Variants in RASGRF2 observed in about 807,000 individuals in gnomAD.
RASGRF2 encodes Ras protein specific guanine nucleotide releasing factor 2.
RASGRF2 carries 76 observed loss-of-function variants against 151.0 expected under a neutral mutation model. The ratio of observed to expected loss-of-function variants is 0.50; its 90% confidence interval spans 0.42 to 0.61. RASGRF2 has a LOEUF of 0.61. RASGRF2 is among the 20% of genes least tolerant of loss of function. RASGRF2 has a pLI of 0.00. For missense variants in RASGRF2, 1,148 were observed against 1,564.6 expected (o/e 0.73, Z 4.49); for synonymous variants, 504 against 566.5 (o/e 0.89, Z 1.57).
intron 22 of RASGRF2, among the ~76,000 whole-genome samples, chr5:81,210,943 C>G (rs1419646821): frequency 6.6e-6 from 1 of 152,084 alleles, no homozygotes; most frequent in East Asian, 1.9e-4. Context: ...CCCAGGAGTT[C>G]AAGACCAGCC....
At chr5:81,178,624 T>G (rs1156614301) in intron 17 of RASGRF2, among the ~76,000 whole-genome samples, 1 of 152,206 alleles carries the variant, frequency 6.6e-6, no homozygotes, top group African/African-American at 2.4e-5. Flanking sequence ...TATAGGGACA[T>G]GAAGGTTATT....
At chr5:81,085,691 A>C (rs1224992225) in intron 7 of RASGRF2, 111 bp from the exon 8 acceptor site, 1 of 1,491,024 alleles carries the variant, frequency 6.7e-7, no homozygotes, top group Non-Finnish European at 9.0e-7. Flanking sequence ...GTAAAACAGT[A>C]AAAAGTGGGA....
At chr5:81,166,528 C>A (rs1754512857) in intron 17 of RASGRF2, among the ~76,000 whole-genome samples, 1 of 152,114 alleles carries the variant, frequency 6.6e-6, no homozygotes, top group African/African-American at 2.4e-5. Flanking sequence ...TGTCTGCTTA[C>A]AGATACTCCA....
chr5:81,021,538 A>G (rs897804823), intron 1 of RASGRF2, among the ~76,000 whole-genome samples: 1 of 149,230 alleles, frequency 6.7e-6, no homozygotes, highest in African/African-American at 2.5e-5. Flanking sequence ...GAGGGCTCAC[A>G]TGTTCTTGAG....
chr5:80,963,070 C>T (rs991857575), intron 1 of RASGRF2, among the ~76,000 whole-genome samples: 7 of 152,234 alleles, frequency 4.6e-5, no homozygotes, highest in African/African-American at 7.2e-5. Context: ...TGATGCTTTT[C>T]TCTGGCACTG....
At chr5:80,989,872 A>G (rs1052836966) in intron 1 of RASGRF2, among the ~76,000 whole-genome samples, 3 of 152,220 alleles carry the variant, frequency 2.0e-5, no homozygotes, top group Non-Finnish European at 4.4e-5. Context: ...ATACAATTAC[A>G]ATAAGAGTTA....
At chr5:81,028,010 T>C (rs138362309) in intron 1 of RASGRF2, among the ~76,000 whole-genome samples, 1 of 152,186 alleles carries the variant, frequency 6.6e-6, no homozygotes, top group African/African-American at 2.4e-5. Flanking sequence ...ATATCGGCAA[T>C]ATCTGCAACA....
intron 1 of RASGRF2, among the ~76,000 whole-genome samples, chr5:80,994,887 C>T (rs1292117396): frequency 6.6e-6 from 1 of 152,138 alleles, no homozygotes; most frequent in African/African-American, 2.4e-5. Context: ...TGCTCATCTC[C>T]CTGAATTTGG....
Position 81,173,161 on chromosome 5 carries a change from G to A in RASGRF2, c.2687-7014G>A, listed in dbSNP as rs527478537. On this transcript the variant is annotated intron_variant, in intron 17 of 26. Coordinates refer to ENST00000265080, the MANE Select transcript of RASGRF2 (RefSeq NM_006909.3). The stretch of plus-strand genomic sequence containing the variant: ...GGAGGCCAAGGCAGGTGGATCACCT[G>A]AGGTTAGGAGTTCGCAACCACCCTG... Among the ~76,000 whole-genome samples, 4 of 152,226 alleles carry A rather than the reference G, an allele frequency of 2.6e-5. No individual in the cohort carries two copies. In the South Asian group the frequency reaches 8.3e-4, roughly 32 times the overall value.
At chr5:81,211,567 A>C (rs559452465) in intron 22 of RASGRF2, among the ~76,000 whole-genome samples, 2 of 152,348 alleles carry the variant, frequency 1.3e-5, no homozygotes, top group Admixed American at 1.3e-4. Context: ...GCTTTAGCGA[A>C]TTTCCACAGT....
At chr5:81,128,635 G>A (rs1325241507) in intron 17 of RASGRF2, among the ~76,000 whole-genome samples, 1 of 152,152 alleles carries the variant, frequency 6.6e-6, no homozygotes, top group African/African-American at 2.4e-5. Flanking sequence ...TGGAGTGCGG[G>A]GAGCCGAGCG....
chr5:81,085,985 T>C (rs557234260), intron 8 of RASGRF2, 74 bp downstream of exon 8: 20 of 1,597,400 alleles, frequency 1.3e-5, no homozygotes, highest in Middle Eastern at 3.3e-4. Flanking sequence ...ACCTCCTGTA[T>C]ATGTTCTAAG....
intron 14 of RASGRF2, 34 bp downstream of exon 14, chr5:81,112,892 G>T: frequency 6.2e-7 from 1 of 1,612,788 alleles, no homozygotes; most frequent in Non-Finnish European, 8.5e-7. Context: ...CCTGTCATTC[G>T]CATATGGCCC....
intron 18 of RASGRF2, among the ~76,000 whole-genome samples, chr5:81,180,791 C>T (rs1754899435): frequency 6.6e-6 from 1 of 151,738 alleles, no homozygotes; most frequent in Non-Finnish European, 1.5e-5. Context: ...GTCTCATGCC[C>T]GTTGATGTTT....
At chr5:81,224,703 A>G (rs926111635) in intron 26 of RASGRF2, among the ~76,000 whole-genome samples, 3 of 152,250 alleles carry the variant, frequency 2.0e-5, no homozygotes, top group African/African-American at 4.8e-5. Flanking sequence ...CTACTCAGCC[A>G]TGAGAGGGAG....
chr5:81,161,265 G>T (rs1024306235), intron 17 of RASGRF2, among the ~76,000 whole-genome samples: 4 of 152,200 alleles, frequency 2.6e-5, no homozygotes, highest in African/African-American at 9.7e-5. Context: ...TAGCAAGACA[G>T]TAAGTTAGTA....
At chr5:81,174,843 C>T (rs1372679593) in intron 17 of RASGRF2, among the ~76,000 whole-genome samples, 1 of 152,196 alleles carries the variant, frequency 6.6e-6, no homozygotes, top group Non-Finnish European at 1.5e-5. Flanking sequence ...TGAAACATAT[C>T]TGTCTATTTA....
At chr5:81,206,563 A>G (rs2112723068) in intron 19 of RASGRF2, among the ~76,000 whole-genome samples, 1 of 152,282 alleles carries the variant, frequency 6.6e-6, no homozygotes, top group East Asian at 1.9e-4. Context: ...CACCCAGCTC[A>G]CCCTCAGACT....
chr5:81,031,431 G>T (rs1278448826), intron 1 of RASGRF2, among the ~76,000 whole-genome samples: 1 of 152,172 alleles, frequency 6.6e-6, no homozygotes, highest in East Asian at 1.9e-4. Context: ...TAAAAGAAGA[G>T]AAATTATAAC....
Sources: gnomAD v4.1 joint callset for allele counts (sites outside exome capture counted in the v4.1 genomes callset) on GRCh38, gnomAD v4.1.1 for gene constraint, MANE v1.5 for transcripts, NCBI Gene and HGNC (gene_info 2026-07-23, HGNC 2026-07-21) for gene names.